The following FREM1 variants were observed in gnomAD, a reference collection of about 807,000 sequenced individuals.
FREM1 encodes the protein FRAS1-related extracellular matrix protein 1.
FREM1 carries 220 observed loss-of-function variants against 210.1 expected under a neutral mutation model. The observed-to-expected ratio is 1.05, with a 90% CI of 0.94 to 1.17. FREM1 has a LOEUF of 1.17. Among genes scored for constraint, FREM1 ranks in the 50% most tolerant of loss-of-function variants. The pLI is 0.00. For synonymous variants in FREM1, 1,189 were observed against 980.2 expected, an observed-to-expected ratio of 1.21 and a Z score of -3.98; for missense variants, 3,454 against 2,675.5, an observed-to-expected ratio of 1.29 and a Z score of -6.42.
intron 1 of FREM1, among the ~76,000 whole-genome samples, chr9:14,896,544 C>CA (rs59464900): frequency 0.013 from 1,033 of 82,148 alleles, 9 homozygotes; most frequent in African/African-American, 0.025. Context: ...GACTCCATCT[C>CA]AAAAAAAAAA....
chr9:14,790,366 G>A (rs915934683), intron 22 of FREM1, among the ~76,000 whole-genome samples: 12 of 152,196 alleles, frequency 7.9e-5, no homozygotes, highest in African/African-American at 2.4e-4. Context: ...CTGCCCTCAC[G>A]CTCACTGGAT....
At chr9:14,826,183 C>T (rs978023889) in intron 10 of FREM1, among the ~76,000 whole-genome samples, 8 of 150,434 alleles carry the variant, frequency 5.3e-5, no homozygotes, top group African/African-American at 2.0e-4. Flanking sequence ...AGCTCCACTC[C>T]CAGGTTCACA....
At chr9:14,818,755 T>G (rs1213744209) in intron 14 of FREM1, among the ~76,000 whole-genome samples, 1 of 152,212 alleles carries the variant, frequency 6.6e-6, no homozygotes, top group Non-Finnish European at 1.5e-5. Context: ...CAGCTCACCC[T>G]GCTTGTTTGC....
chr9:14,822,540 T>C (rs1392675043), intron 13 of FREM1, among the ~76,000 whole-genome samples: 1 of 152,168 alleles, frequency 6.6e-6, no homozygotes, highest in Admixed American at 6.5e-5. Flanking sequence ...ATAATGACCA[T>C]ACTAATTAAG....
At chr9:14,876,404 C>G (rs552233200) in intron 1 of FREM1, among the ~76,000 whole-genome samples, 1 of 152,128 alleles carries the variant, frequency 6.6e-6, no homozygotes, top group Non-Finnish European at 1.5e-5. Flanking sequence ...CCCCCAGCCT[C>G]GCTGCCGCCT....
At position 14,747,375 on chromosome 9, in the gene FREM1, T is replaced by C; in HGVS notation, c.5898A>G (p.Lys1966=). The C allele has an allele frequency of 1.2e-6, 2 of 1,613,828 alleles. No homozygotes were observed. The highest frequency in any genetic ancestry group is 1.7e-6 in the Non-Finnish European group (2 of 1,179,808). The change falls in exon 33 of 37, where the codon AAA becomes AAG. Residue 1966 remains lysine, a synonymous_variant. Transcript: ENST00000380880. ...TAATGATGGATACTTTGGCCTTCCT[T>C]TTGTGAGTTGGGAAACTGTCATCCT... is the stretch of plus-strand genomic sequence containing the variant. The part of the protein sequence containing the change: ...KLEDDSFPTH[K]RKAKVSIISQ...
chr9:14,800,483 T>C (rs1317805887), intron 20 of FREM1, among the ~76,000 whole-genome samples: 6 of 152,232 alleles, frequency 3.9e-5, no homozygotes, highest in Admixed American at 1.3e-4. Context: ...TGCTATGCAA[T>C]GTGCCATTTC....
chr9:14,907,368 T>C (rs1288572188), intron 1 of FREM1, among the ~76,000 whole-genome samples: 1 of 152,196 alleles, frequency 6.6e-6, no homozygotes, highest in Non-Finnish European at 1.5e-5. Flanking sequence ...TTTTGCTTTG[T>C]TTTTTGTTTC....
chr9:14,786,948 G>C (rs1038686687), intron 23 of FREM1, among the ~76,000 whole-genome samples: 2 of 152,172 alleles, frequency 1.3e-5, no homozygotes, highest in Admixed American at 1.3e-4. Flanking sequence ...GGGAGGAAGA[G>C]CAACCAGCTC....
intron 13 of FREM1, 99 bp from the exon 14 acceptor site, chr9:14,819,541 C>T: frequency 1.6e-6 from 1 of 643,048 alleles, no homozygotes; most frequent in Non-Finnish European, 2.6e-6. Context: ...ATTATCTTCA[C>T]ATGCAAACTA....
At chr9:14,793,683 C>T (rs1322410055) in intron 21 of FREM1, among the ~76,000 whole-genome samples, 3 of 152,154 alleles carry the variant, frequency 2.0e-5, no homozygotes, top group Non-Finnish European at 2.9e-5. Flanking sequence ...CTAACTCTGT[C>T]CAACTTTACA....
Position 14,909,917 on chromosome 9 carries a change from T to C in FREM1, c.-271A>G, listed in dbSNP as rs1215703898. 6 of 152,204 alleles carry C rather than the reference T, an allele frequency of 3.9e-5. No homozygotes were observed. The highest frequency in any genetic ancestry group is 1.4e-4 in the African/African-American group (6 of 41,442). The allele number at this position is 152,204 out of a possible 1,614,324, so 9.4% of individuals were successfully genotyped here. ...AACACATAAAACAGATACTTACAGGTAGTGGTTTTCCTTTCCAAGACAAAA... is the reference window on the plus strand; with the variant it reads ...AACACATAAAACAGATACTTACAGGCAGTGGTTTTCCTTTCCAAGACAAAA... On this transcript the variant is annotated 5_prime_UTR_variant, in exon 1 of 37. Transcript: ENST00000380880.
chr9:14,865,549 A>T (rs539260143), intron 2 of FREM1, among the ~76,000 whole-genome samples: 61 of 152,306 alleles, frequency 4.0e-4, no homozygotes, highest in Non-Finnish European at 8.4e-4. Flanking sequence ...GTCACATGAA[A>T]CTGTTCATTA....
At chr9:14,761,240 G>A (rs1030885902) in intron 27 of FREM1, among the ~76,000 whole-genome samples, 3 of 152,096 alleles carry the variant, frequency 2.0e-5, no homozygotes, top group African/African-American at 7.2e-5. Flanking sequence ...ACGTTCTATG[G>A]ATTAAGCTCA....
At chr9:14,881,376 A>G (rs774750667) in intron 1 of FREM1, among the ~76,000 whole-genome samples, 2 of 152,186 alleles carry the variant, frequency 1.3e-5, no homozygotes, top group Non-Finnish European at 2.9e-5. Flanking sequence ...TCTGGGTATA[A>G]ATAGGAATAA....
At chr9:14,857,453 A>G in intron 5 of FREM1, 100 bp downstream of exon 5, 1 of 1,029,872 alleles carries the variant, frequency 9.7e-7, no homozygotes, top group Non-Finnish European at 1.5e-6. Context: ...CCAAAAGCAC[A>G]GGAACTCTCC....
At chr9:14,798,702 C>G (rs944686996) in intron 20 of FREM1, among the ~76,000 whole-genome samples, 5 of 152,020 alleles carry the variant, frequency 3.3e-5, no homozygotes, top group African/African-American at 1.2e-4. Flanking sequence ...GTGACAGAGT[C>G]TCACTCTGTC....
At position 14,759,788 on chromosome 9, in the gene FREM1, G is replaced by A. The variant is rs1845140694; in HGVS notation, c.5318C>T (p.Ala1773Val). The change falls in exon 28 of 37, where the codon GCC (alanine) becomes GTC (valine). Residue 1773 changes from alanine (A) to valine (V), a missense_variant. Transcript: ENST00000380880. Reference protein sequence around the residue: ...IIRRGYSMDSAFVGIKVNQVS... With the variant: ...IIRRGYSMDSVFVGIKVNQVS... ...AGTCATTACCTTTATACCCACAAAG[G>A]CCGAGTCCATGGAATATCCCCTTCT... The A allele has an allele frequency of 1.2e-6, 2 of 1,608,188 alleles. No homozygotes were observed. The highest frequency in any genetic ancestry group is 2.2e-5 in the East Asian group (1 of 44,606).
At chr9:14,756,329 A>AC (rs1554642915) in intron 29 of FREM1, 45 bp downstream of exon 29, 39 of 1,441,204 alleles carry the variant, frequency 2.7e-5, no homozygotes, top group South Asian at 2.2e-4. Context: ...ACAAAAAAAA[A>AC]CAAAAAACAA....
Sources: allele counts gnomAD v4.1 joint callset (sites outside exome capture counted in the v4.1 genomes callset), GRCh38; gene constraint gnomAD v4.1.1; transcripts MANE v1.5; gene names NCBI Gene and HGNC (gene_info 2026-07-23, HGNC 2026-07-21).